TBC1D1: variants seen among roughly 807,000 people sequenced by gnomAD.
TBC1D1 encodes the protein TBC1 domain family member 1.
TBC1D1 carries 89 observed loss-of-function variants against 125.6 expected under a neutral mutation model. The ratio of observed to expected loss-of-function variants is 0.71; its 90% CI spans 0.60 to 0.85. TBC1D1 has a LOEUF of 0.85. Among genes scored for constraint, TBC1D1 ranks in the 40% least tolerant of loss-of-function variants. The pLI, the probability that TBC1D1 is intolerant of heterozygous loss-of-function variation, is 0.00. For missense variants in TBC1D1, 1,377 were observed against 1,469.2 expected (o/e 0.94, Z 1.03); for synonymous variants, 565 against 564.1 (o/e 1.00, Z -0.02).
chr4:37,962,267 C>T (rs1361929852), intron 2 of TBC1D1, among the ~76,000 whole-genome samples: 1 of 152,220 alleles, frequency 6.6e-6, no homozygotes. Flanking sequence ...ACCAGAAGAA[C>T]TAAATTTCAT....
chr4:37,995,698 C>A lies in TBC1D1; in HGVS notation c.418-18811C>A. On this transcript the variant is annotated intron_variant, in intron 2 of 19. Coordinates refer to ENST00000261439, the MANE Select transcript of TBC1D1 (RefSeq NM_015173.4). This position sits in a 1 kb window ranked among gnomAD's most constrained non-coding sequence, Gnocchi z 4.3. ...CTTGGAGGCCTTGGCCACAGCATCC[C>A]CGTGTTCTGAGAAGTATTTGGAAAT... The A allele has an allele frequency of 1.9e-6, 1 of 523,706 alleles. No homozygotes were observed. Among genetic ancestry groups the A allele is most frequent in the Non-Finnish European group, 3.8e-6 (1 of 261,658 alleles). The allele number at this position is 523,706 out of a possible 1,614,324, so 32.4% of individuals were successfully genotyped here.
rs982376983 is a variant in TBC1D1 at position 37,977,715 on chromosome 4, G to A, written c.418-36794G>A. Among the ~76,000 whole-genome samples, 9 of 152,088 alleles carry A rather than the reference G, an allele frequency of 5.9e-5. No individual in the cohort carries two copies. The highest frequency in any genetic ancestry group is 9.7e-5 in the African/African-American group (4 of 41,446). On this transcript the variant is annotated intron_variant, in intron 2 of 19. Transcript: ENST00000261439. This position sits in a 1 kb window ranked among gnomAD's most constrained non-coding sequence, Gnocchi z 4.3. ...ATTCATTAGTCTCCCAGATCCCTGT[G>A]GGGAGGACGGGCGAGGTAGCGGCGC...
At chr4:38,087,743 G>C (rs920085639) in intron 12 of TBC1D1, among the ~76,000 whole-genome samples, 2 of 149,190 alleles carry the variant, frequency 1.3e-5, no homozygotes, top group Admixed American at 1.4e-4. Flanking sequence ...TCACTCGGGA[G>C]TCTGAGGCAG....
intron 8 of TBC1D1, among the ~76,000 whole-genome samples, chr4:38,037,332 C>CA (rs1379968159): frequency 6.6e-6 from 1 of 151,414 alleles, no homozygotes; most frequent in Non-Finnish European, 1.5e-5. Context: ...CTGAGCCTTA[C>CA]AAGCAGAACT....
In TBC1D1 at chr4:38,052,965, G is replaced by A. The variant is rs78045110; in HGVS notation, c.1911-1234G>A. On this transcript the variant is annotated intron_variant, in intron 11 of 19. Transcript: ENST00000261439. Reference sequence around the variant, plus strand: ...TGAAAATGAAAATTAAATCTCATTCGTGAACTACTTTTAATTTCTTACCTA... The same window carrying A: ...TGAAAATGAAAATTAAATCTCATTCATGAACTACTTTTAATTTCTTACCTA... 3.6e-3 allele frequency: 1,779 copies of A among 493,482 alleles called. 27 individuals carry two copies. Among genetic ancestry groups the A allele is most frequent in the African/African-American group, 0.032 (1,592 of 49,992 alleles). The allele number at this position is 493,482 out of a possible 1,614,324, so 30.6% of individuals were successfully genotyped here. A position where few individuals can be genotyped will look rare whatever the true frequency, so the allele number is the denominator to read the frequency against.
intron 1 of TBC1D1, among the ~76,000 whole-genome samples, chr4:37,893,520 A>C (rs1713825310): frequency 6.6e-6 from 1 of 152,244 alleles, no homozygotes; most frequent in South Asian, 2.1e-4. Context: ...TCTGCTCATT[A>C]AAATGACTGA....
At chr4:38,006,876 C>G in intron 2 of TBC1D1, 1 of 502,354 alleles carries the variant, frequency 2.0e-6, no homozygotes, top group Non-Finnish European at 4.0e-6. Context: ...TCCTTAAAAT[C>G]CTGATGCTCA....
At chr4:38,122,913 C>G (rs1003052379) in intron 17 of TBC1D1, among the ~76,000 whole-genome samples, 2 of 152,178 alleles carry the variant, frequency 1.3e-5, no homozygotes, top group African/African-American at 4.8e-5. Context: ...TAACACCACC[C>G]TCTCCCCTCC....
intron 2 of TBC1D1, among the ~76,000 whole-genome samples, chr4:38,001,885 C>T (rs568704844): frequency 4.6e-5 from 7 of 152,150 alleles, no homozygotes; most frequent in Non-Finnish European, 1.0e-4. Context: ...TGGCAGTAAG[C>T]ACTTAGTACT....
At chr4:37,894,402 C>T (rs528286082) in intron 1 of TBC1D1, among the ~76,000 whole-genome samples, 1 of 152,124 alleles carries the variant, frequency 6.6e-6, no homozygotes, top group Non-Finnish European at 1.5e-5. Flanking sequence ...TTTGGGCCAA[C>T]TGAAAAACTC....
intron 2 of TBC1D1, among the ~76,000 whole-genome samples, chr4:37,927,075 C>T (rs188659014): frequency 3.9e-5 from 6 of 152,096 alleles, no homozygotes; most frequent in African/African-American, 1.2e-4. Flanking sequence ...GTCATGATCA[C>T]GCCACTGCAC....
At chr4:37,973,521 TG>T (rs1560552152) in intron 2 of TBC1D1, among the ~76,000 whole-genome samples, 1 of 152,260 alleles carries the variant, frequency 6.6e-6, no homozygotes, top group Non-Finnish European at 1.5e-5. Flanking sequence ...TAGTCAATTC[TG>T]GGTTCTCCTC....
chr4:37,938,244 A>G (rs1724814659), intron 2 of TBC1D1, among the ~76,000 whole-genome samples: 2 of 152,224 alleles, frequency 1.3e-5, no homozygotes, highest in Admixed American at 1.3e-4. Context: ...CGTACCTATA[A>G]GAGGAAACAA....
intron 2 of TBC1D1, among the ~76,000 whole-genome samples, chr4:37,954,888 T>G (rs1391704582): frequency 1.1e-5 from 1 of 88,798 alleles, no homozygotes; most frequent in Non-Finnish European, 2.1e-5. Context: ...TTTGAAACAG[T>G]CTTTTTTTTT....
chr4:38,070,977 C>G (rs1296463342), intron 12 of TBC1D1, among the ~76,000 whole-genome samples: 1 of 152,212 alleles, frequency 6.6e-6, no homozygotes, highest in African/African-American at 2.4e-5. Context: ...AATTGCTTCT[C>G]TCTTGTGGGC....
At chr4:37,998,392 G>T (rs899855588) in intron 2 of TBC1D1, among the ~76,000 whole-genome samples, 1 of 152,124 alleles carries the variant, frequency 6.6e-6, no homozygotes, top group Non-Finnish European at 1.5e-5. Context: ...CTGGTGATCC[G>T]TTGGAAATGC....
intron 2 of TBC1D1, among the ~76,000 whole-genome samples, chr4:37,921,211 A>T (rs1273622299): frequency 6.6e-6 from 1 of 151,428 alleles, no homozygotes; most frequent in African/African-American, 2.4e-5. Context: ...CATCCCACAG[A>T]TCTGGCAGTG....
intron 8 of TBC1D1, among the ~76,000 whole-genome samples, chr4:38,037,296 A>T (rs116913711): frequency 6.6e-6 from 1 of 151,764 alleles, no homozygotes; most frequent in South Asian, 2.1e-4. Flanking sequence ...TACCCAAAAA[A>T]ACATAAGAGT....
At chr4:38,001,481 C>T (rs1739072831) in intron 2 of TBC1D1, among the ~76,000 whole-genome samples, 1 of 152,216 alleles carries the variant, frequency 6.6e-6, no homozygotes, top group African/African-American at 2.4e-5. Context: ...TTTCTCCCCT[C>T]CCAGGAGATA....
Sources: gnomAD v4.1 joint callset for allele counts (sites outside exome capture counted in the v4.1 genomes callset) on GRCh38, gnomAD v4.1.1 for gene constraint, Gnocchi (gnomAD v3.1) non-coding constraint, MANE v1.5 for transcripts, NCBI Gene and HGNC (gene_info 2026-07-23, HGNC 2026-07-21) for gene names.